TDRP: variants seen among roughly 807,000 people sequenced by gnomAD.
TDRP encodes the protein testis development-related protein.
A neutral mutation model predicts 10.5 loss-of-function variants in TDRP; 12 were observed. The observed-to-expected ratio is 1.15, with a 90% CI of 0.73 to 1.86. TDRP has a LOEUF of 1.86. Among genes scored for constraint, TDRP ranks in the 40% most tolerant of loss-of-function variants. The pLI, the probability that TDRP is intolerant of heterozygous loss-of-function variation, is 0.00. For synonymous variants in TDRP, 139 were observed against 95.4 expected (o/e 1.46, Z -2.67); for missense variants, 353 against 229.2 (o/e 1.54, Z -3.49).
chr8:533,299 C>A (rs1802257387), intron 1 of TDRP, among the ~76,000 whole-genome samples: 1 of 152,202 alleles, frequency 6.6e-6, no homozygotes, highest in Non-Finnish European at 1.5e-5. Context: ...GCCAGCACGT[C>A]CATCGCAGCC....
At chr8:528,742 G>C (rs547361547) in intron 1 of TDRP, among the ~76,000 whole-genome samples, 1 of 152,012 alleles carries the variant, frequency 6.6e-6, no homozygotes, top group Non-Finnish European at 1.5e-5. Context: ...ATGTACCCCT[G>C]TACCAGTCAG....
chr8:541,835 G>T (rs942760437), intron 1 of TDRP, among the ~76,000 whole-genome samples: 10 of 152,192 alleles, frequency 6.6e-5, no homozygotes, highest in Admixed American at 2.6e-4. Context: ...CACTTTGGAA[G>T]ACGGTTTGGC....
At chr8:511,662 G>T (rs1801622162) in intron 1 of TDRP, among the ~76,000 whole-genome samples, 1 of 152,186 alleles carries the variant, frequency 6.6e-6, no homozygotes, top group African/African-American at 2.4e-5. Flanking sequence ...AGTGCAAACA[G>T]ATCAGTCTTC....
chr8:537,267 T>C (rs959223665), intron 1 of TDRP, among the ~76,000 whole-genome samples: 2 of 152,166 alleles, frequency 1.3e-5, no homozygotes, highest in South Asian at 2.1e-4. Context: ...CCAGAGAGGC[T>C]TGTGATGTCC....
intron 1 of TDRP, among the ~76,000 whole-genome samples, chr8:511,899 T>C (rs772265169): frequency 3.3e-5 from 5 of 151,904 alleles, no homozygotes; most frequent in Non-Finnish European, 4.4e-5. Flanking sequence ...CCAAAAAACA[T>C]GGGATTCAGT....
At chr8:544,854 C>T (rs1802596678), upstream of TDRP, 11 of 968,712 alleles carry the variant, frequency 1.1e-5, no homozygotes, top group Non-Finnish European at 1.5e-5. Flanking sequence ...TCCTGCGGGA[C>T]GCGGGCCCAG....
rs1263071836 is a variant in TDRP at position 531,914 on chromosome 8, G to A, written c.108+12736C>T. 2.6e-5 allele frequency among the ~76,000 whole-genome samples: 4 copies of A among 152,180 alleles called. No homozygotes were observed. In the East Asian group the frequency reaches 7.7e-4, roughly 29 times the overall value. ...TAAGAAATTGGAACAGGAATGGGGG[G>A]ATTTCAAGCAGTACTCTGACAGTGG... On this transcript the variant is annotated intron_variant, in intron 1 of 2. Transcript: ENST00000324079.
intron 1 of TDRP, among the ~76,000 whole-genome samples, chr8:533,007 GGA>G (rs1287297420): frequency 6.6e-6 from 1 of 152,112 alleles, no homozygotes; most frequent in African/African-American, 2.4e-5. Context: ...CAGGAAGTCT[GGA>G]GAGAGGAACT....
chr8:491,736 G>C lies in TDRP; in HGVS notation c.*663C>G. The C allele has an allele frequency of 7.0e-7, 1 of 1,422,014 alleles. No individual in the cohort carries two copies. Among genetic ancestry groups the C allele is most frequent in the East Asian group, 2.6e-5 (1 of 38,036 alleles). 88.1% of individuals were successfully genotyped at this position (1,422,014 alleles called of 1,614,324 possible). Reference sequence around the variant, plus strand: ...GGGACCGATTTAGAAGTTCAAAAGAGGTAAAAATAAAATTCCAAAAAAGAA... The same window carrying C: ...GGGACCGATTTAGAAGTTCAAAAGACGTAAAAATAAAATTCCAAAAAAGAA... On this transcript the variant is annotated 3_prime_UTR_variant, in exon 3 of 3. Transcript: ENST00000324079.
At position 494,495 on chromosome 8, in the gene TDRP, C is replaced by G; in HGVS notation, c.211G>C (p.Gly71Arg). 5 of 1,613,538 alleles carry G rather than the reference C, an allele frequency of 3.1e-6. No homozygotes were observed. The highest frequency in any genetic ancestry group is 4.2e-6 in the Non-Finnish European group (5 of 1,179,518). ...TTTTCTTACACAGTTATGACTTACC[C>G]TTTGGACTTGGGAGATTTACATCTT... is the stretch of plus-strand genomic sequence containing the variant. ...LERCKSPKSK[G>R]TNLRLKEELK... The change falls in exon 2 of 3, where the codon GGA becomes CGA. Residue 71 changes from glycine (G) to arginine (R), a missense_variant and splice_region_variant. By Grantham distance (125) the Gly-to-Arg change is moderately radical. Coordinates refer to ENST00000324079, the MANE Select transcript of TDRP (RefSeq NM_001384899.1).
intron 1 of TDRP, among the ~76,000 whole-genome samples, chr8:518,629 G>A (rs1474578207): frequency 2.3e-5 from 2 of 87,726 alleles, no homozygotes; most frequent in South Asian, 7.5e-4. Context: ...AAGTAACTTC[G>A]ACCAGTTAAA....
At chr8:529,875 C>T (rs1802141458) in intron 1 of TDRP, among the ~76,000 whole-genome samples, 1 of 152,104 alleles carries the variant, frequency 6.6e-6, no homozygotes, top group Admixed American at 6.6e-5. Flanking sequence ...TTGGTTTCTT[C>T]CTACATGGAG....
chr8:545,426 C>T (rs1237382223), upstream of TDRP, among the ~76,000 whole-genome samples: 1 of 149,740 alleles, frequency 6.7e-6, no homozygotes, highest in Non-Finnish European at 1.5e-5. Context: ...CGCCGACCCC[C>T]ACTTACTCCC....
At chr8:516,334 T>C (rs778533299) in intron 1 of TDRP, among the ~76,000 whole-genome samples, 2 of 152,174 alleles carry the variant, frequency 1.3e-5, no homozygotes, top group African/African-American at 4.8e-5. Context: ...GGAAAAGCCA[T>C]AGACTTGGAG....
intron 1 of TDRP, among the ~76,000 whole-genome samples, chr8:540,558 C>T (rs539791992): frequency 1.3e-5 from 2 of 152,172 alleles, no homozygotes; most frequent in African/African-American, 2.4e-5. Flanking sequence ...TGAAAACTTG[C>T]GTCTTTCTGT....
At chr8:523,852 C>A (rs1167217797) in intron 1 of TDRP, among the ~76,000 whole-genome samples, 1 of 152,212 alleles carries the variant, frequency 6.6e-6, no homozygotes. Flanking sequence ...TCCCTAGATA[C>A]ATCCAGGGAC....
chr8:523,591 G>A (rs1248309407), intron 1 of TDRP, among the ~76,000 whole-genome samples: 1 of 152,144 alleles, frequency 6.6e-6, no homozygotes, highest in African/African-American at 2.4e-5. Flanking sequence ...TATGTCCTAG[G>A]CCTTGCAGCA....
intron 1 of TDRP, among the ~76,000 whole-genome samples, chr8:508,238 C>G (rs1370150967): frequency 2.0e-5 from 3 of 152,120 alleles, no homozygotes; most frequent in Admixed American, 1.3e-4. Context: ...AAAATATTCA[C>G]TAGAGGGGTT....
intron 1 of TDRP, among the ~76,000 whole-genome samples, chr8:530,941 T>G (rs533795232): frequency 3.0e-4 from 45 of 152,300 alleles, no homozygotes; most frequent in African/African-American, 1.1e-3. Flanking sequence ...TCTCTGATGC[T>G]GCAAAAAGCC....
Sources: gnomAD v4.1 joint callset for allele counts (sites outside exome capture counted in the v4.1 genomes callset) on GRCh38, gnomAD v4.1.1 for gene constraint, MANE v1.5 for transcripts, NCBI Gene and HGNC (gene_info 2026-07-23, HGNC 2026-07-21) for gene names.